The following COL8A1 variants were observed in gnomAD, a reference collection of about 807,000 sequenced individuals.
The protein encoded by COL8A1 is collagen alpha-1(VIII) chain.
COL8A1 carries 21 observed loss-of-function variants against 42.7 expected under a neutral mutation model. The observed-to-expected ratio is 0.49, with a 90% CI of 0.35 to 0.71. The LOEUF (loss-of-function observed/expected upper bound fraction) is 0.71, where lower values mean the gene tolerates loss of function less well. COL8A1 is among the 30% of genes least tolerant of loss of function. The pLI is 0.01. For synonymous variants in COL8A1, 367 were observed against 369.1 expected (o/e 0.99, Z 0.06); for missense variants, 788 against 962.4 (o/e 0.82, Z 2.40).
Position 99,795,996 on chromosome 3 carries a change from C to G in COL8A1, c.2095C>G (p.Gln699Glu), listed in dbSNP as rs750635074. The G allele has an allele frequency of 6.2e-7, 1 of 1,613,860 alleles. No homozygotes were observed. The highest frequency in any genetic ancestry group is 1.7e-5 in the Admixed American group (1 of 59,998). The stretch of plus-strand genomic sequence containing the variant: ...CGAGTACAAAAAGGGCTTCCTGGAC[C>G]AGGCATCTGGGAGTGCAGTGCTGCT... ...YDEYKKGFLD[Q>E]ASGSAVLLLR... The change falls in exon 4 of 4, where the codon CAG becomes GAG. Residue 699 changes from glutamine (Q) to glutamate (E), a missense_variant. Transcript: ENST00000652472.
chr3:99,743,087 C>T (rs1373645384), intron 1 of COL8A1, among the ~76,000 whole-genome samples: 1 of 152,078 alleles, frequency 6.6e-6, no homozygotes, highest in Non-Finnish European at 1.5e-5. Flanking sequence ...ACTTATAGGC[C>T]TTTTCCTGAT....
intron 1 of COL8A1, among the ~76,000 whole-genome samples, chr3:99,709,391 C>A (rs527817209): frequency 6.6e-6 from 1 of 152,240 alleles, no homozygotes; most frequent in Admixed American, 6.5e-5. Context: ...CTGGTAATGA[C>A]CTTTTTAATG....
chr3:99,689,554 T>C (rs888947516), intron 1 of COL8A1, among the ~76,000 whole-genome samples: 1 of 152,228 alleles, frequency 6.6e-6, no homozygotes, highest in Non-Finnish European at 1.5e-5. Flanking sequence ...TGTACACTTC[T>C]TTTCATAATT....
chr3:99,641,282 G>T (rs1937504793), intron 1 of COL8A1, among the ~76,000 whole-genome samples: 1 of 152,112 alleles, frequency 6.6e-6, no homozygotes. Context: ...AACATGAGGG[G>T]ATGGGGAAGA....
chr3:99,753,391 A>G (rs1253962430), intron 2 of COL8A1, among the ~76,000 whole-genome samples: 2 of 152,216 alleles, frequency 1.3e-5, no homozygotes, highest in Non-Finnish European at 1.5e-5. Context: ...CTAGGTGCCT[A>G]TGGGTGAGCC....
chr3:99,647,060 T>C (rs1937668047), intron 1 of COL8A1, among the ~76,000 whole-genome samples: 1 of 152,250 alleles, frequency 6.6e-6, no homozygotes, highest in Non-Finnish European at 1.5e-5. Flanking sequence ...AAATAAGCTT[T>C]AGAAACACTC....
At chr3:99,712,621 TAAAG>T (rs1008932238) in intron 1 of COL8A1, among the ~76,000 whole-genome samples, 1 of 152,094 alleles carries the variant, frequency 6.6e-6, no homozygotes, top group Non-Finnish European at 1.5e-5. Context: ...AGGAAACAGC[TAAAG>T]ATTTTCCAGA....
chr3:99,776,629 T>A (rs1379481370), intron 2 of COL8A1, among the ~76,000 whole-genome samples: 2 of 152,156 alleles, frequency 1.3e-5, no homozygotes, highest in African/African-American at 4.8e-5. Flanking sequence ...GTTTCTTGGA[T>A]CTCACACAAG....
At chr3:99,673,700 AT>A (rs1190148393) in intron 1 of COL8A1, among the ~76,000 whole-genome samples, 3 of 152,036 alleles carry the variant, frequency 2.0e-5, no homozygotes, top group Non-Finnish European at 4.4e-5. Flanking sequence ...TTAGAATATC[AT>A]TTTATGTGCC....
intron 1 of COL8A1, among the ~76,000 whole-genome samples, chr3:99,649,774 CTT>C (rs1937779033): frequency 6.6e-6 from 1 of 151,970 alleles, no homozygotes; most frequent in Admixed American, 6.6e-5. Flanking sequence ...CTTGCTCACT[CTT>C]TCTCTCTCTG....
At chr3:99,735,260 C>A (rs1419896164) in intron 1 of COL8A1, among the ~76,000 whole-genome samples, 2 of 136,648 alleles carry the variant, frequency 1.5e-5, no homozygotes, top group Admixed American at 1.5e-4. Context: ...CAGTTTTTGC[C>A]CATTCAGTAT....
intron 1 of COL8A1, among the ~76,000 whole-genome samples, chr3:99,687,688 C>A (rs984103462): frequency 6.6e-6 from 1 of 152,112 alleles, no homozygotes; most frequent in African/African-American, 2.4e-5. Context: ...AGGGTTCAAA[C>A]TGAAAAGCAG....
intron 1 of COL8A1, among the ~76,000 whole-genome samples, chr3:99,693,241 T>C (rs1939274849): frequency 6.6e-6 from 1 of 152,240 alleles, no homozygotes; most frequent in African/African-American, 2.4e-5. Flanking sequence ...GTACAGTTCA[T>C]AAAATTTGAT....
chr3:99,697,371 A>G (rs1327284896), intron 1 of COL8A1, among the ~76,000 whole-genome samples: 1 of 152,212 alleles, frequency 6.6e-6, no homozygotes, highest in African/African-American at 2.4e-5. Flanking sequence ...TTAAAGGCGT[A>G]GCTGCTACAA....
chr3:99,661,896 G>C (rs1228662335), intron 1 of COL8A1, among the ~76,000 whole-genome samples: 1 of 152,146 alleles, frequency 6.6e-6, no homozygotes, highest in East Asian at 1.9e-4. Flanking sequence ...CCATTTATTT[G>C]AGATACCTAG....
At chr3:99,720,554 T>C (rs985270006) in intron 1 of COL8A1, among the ~76,000 whole-genome samples, 6 of 152,140 alleles carry the variant, frequency 3.9e-5, no homozygotes, top group African/African-American at 1.4e-4. Flanking sequence ...AAATAATAGT[T>C]ATAGATCCTC....
chr3:99,764,929 A>G (rs704574), intron 2 of COL8A1, among the ~76,000 whole-genome samples: 77,764 of 151,818 alleles, frequency 0.51, 20,160 homozygotes, highest in East Asian at 0.67. Flanking sequence ...AAACCATCCC[A>G]TAATTCAAGT....
chr3:99,737,651 C>A (rs902076618), intron 1 of COL8A1, among the ~76,000 whole-genome samples: 2 of 152,086 alleles, frequency 1.3e-5, no homozygotes. Flanking sequence ...TCTCTGGCTG[C>A]CCTTAACATT....
At chr3:99,704,586 C>T (rs960509667) in intron 1 of COL8A1, among the ~76,000 whole-genome samples, 2 of 152,098 alleles carry the variant, frequency 1.3e-5, no homozygotes, top group African/African-American at 2.4e-5. Flanking sequence ...AGCAGCAGCC[C>T]CTGCTCTTTG....
Sources: allele counts gnomAD v4.1 joint callset (sites outside exome capture counted in the v4.1 genomes callset), GRCh38; gene constraint gnomAD v4.1.1; transcripts MANE v1.5; gene names NCBI Gene and HGNC (gene_info 2026-07-23, HGNC 2026-07-21).